KCNIP4: variants seen among roughly 807,000 people sequenced by gnomAD.
KCNIP4 encodes the protein Kv channel-interacting protein 4.
In KCNIP4, 12 loss-of-function variants were observed where a neutral mutation model predicts 34.0. That is an observed-to-expected ratio of 0.35 (90% confidence interval 0.23 to 0.57). The LOEUF (loss-of-function observed/expected upper bound fraction) is 0.57, where lower values mean the gene tolerates loss of function less well. KCNIP4 is among the 20% of genes least tolerant of loss of function. The pLI, the probability that KCNIP4 is intolerant of heterozygous loss-of-function variation, is 0.83. For synonymous variants in KCNIP4, 124 were observed against 102.2 expected, an observed-to-expected ratio of 1.21 and a Z score of -1.29; for missense variants, 238 against 311.7, an observed-to-expected ratio of 0.76 and a Z score of 1.78.
At chr4:20,961,413 T>A (rs1733836059) in intron 1 of KCNIP4, among the ~76,000 whole-genome samples, 1 of 152,204 alleles carries the variant, frequency 6.6e-6, no homozygotes, top group Middle Eastern at 3.4e-3. Flanking sequence ...AATCTTATGG[T>A]TTTGAGAAAT....
chr4:21,651,862 T>C (rs1032325952), intron 1 of KCNIP4, among the ~76,000 whole-genome samples: 4 of 152,252 alleles, frequency 2.6e-5, no homozygotes, highest in Admixed American at 2.0e-4. Flanking sequence ...GCTACAGATA[T>C]ATACATCTAT....
At chr4:20,733,247 T>A (rs2149268663) in intron 6 of KCNIP4, among the ~76,000 whole-genome samples, 1 of 152,148 alleles carries the variant, frequency 6.6e-6, no homozygotes, top group Middle Eastern at 3.4e-3. Context: ...TTCATTAGGG[T>A]TTTTGTTGTA....
chr4:21,473,245 C>G (rs1156524648), intron 1 of KCNIP4, among the ~76,000 whole-genome samples: 1 of 152,166 alleles, frequency 6.6e-6, no homozygotes, highest in Non-Finnish European at 1.5e-5. Flanking sequence ...CATAACCCAA[C>G]TTTTCTGAAA....
intron 1 of KCNIP4, chr4:21,697,335 A>G: frequency 1.4e-6 from 2 of 1,475,904 alleles, no homozygotes; most frequent in Non-Finnish European, 1.8e-6. Context: ...AAAAAAAAAA[A>G]AAAAAAGTCA....
At chr4:20,766,296 C>T (rs930298953) in intron 3 of KCNIP4, among the ~76,000 whole-genome samples, 20 of 152,064 alleles carry the variant, frequency 1.3e-4, no homozygotes, top group African/African-American at 3.4e-4. Flanking sequence ...AGGCCAGGCA[C>T]GGTGGGTCAT....
intron 1 of KCNIP4, among the ~76,000 whole-genome samples, chr4:21,384,918 T>C (rs755645405): frequency 3.9e-5 from 6 of 152,208 alleles, no homozygotes; most frequent in Non-Finnish European, 7.3e-5. Flanking sequence ...TACAACATAA[T>C]TTACACTGAT....
chr4:21,579,259 C>T (rs1163399453), intron 1 of KCNIP4, among the ~76,000 whole-genome samples: 1 of 152,054 alleles, frequency 6.6e-6, no homozygotes, highest in African/African-American at 2.4e-5. Context: ...CACTTAAAGC[C>T]ACAGTACTGT....
intron 1 of KCNIP4, among the ~76,000 whole-genome samples, chr4:20,942,246 G>C (rs538230109): frequency 1.2e-4 from 19 of 152,284 alleles, no homozygotes; most frequent in African/African-American, 4.6e-4. Flanking sequence ...ATTACATGGT[G>C]AGCACTGGAT....
chr4:21,681,011 G>A (rs1029021907), intron 1 of KCNIP4, among the ~76,000 whole-genome samples: 6 of 152,098 alleles, frequency 3.9e-5, no homozygotes, highest in African/African-American at 1.4e-4. Context: ...TTGGAGCCAG[G>A]CATTGAATTC....
At chr4:21,528,679 GAAA>G (rs1736207772) in intron 1 of KCNIP4, among the ~76,000 whole-genome samples, 1 of 2,770 alleles carries the variant, frequency 3.6e-4, no homozygotes, top group African/African-American at 1.4e-3. Flanking sequence ...AAAAAACAAA[GAAA>G]GAAAGAAAGA....
At chr4:21,166,346 T>C (rs1753624813) in intron 1 of KCNIP4, among the ~76,000 whole-genome samples, 1 of 152,046 alleles carries the variant, frequency 6.6e-6, no homozygotes, top group South Asian at 2.1e-4. Flanking sequence ...AAAATGCAAA[T>C]TCAACCATAA....
At chr4:21,576,187 AT>A (rs1476240280) in intron 1 of KCNIP4, among the ~76,000 whole-genome samples, 2 of 152,142 alleles carry the variant, frequency 1.3e-5, no homozygotes, top group Non-Finnish European at 2.9e-5. Flanking sequence ...AGAAGCCTAA[AT>A]TTTTTAGTGG....
At chr4:21,314,312 C>A (rs1289301591) in intron 1 of KCNIP4, among the ~76,000 whole-genome samples, 3 of 152,182 alleles carry the variant, frequency 2.0e-5, no homozygotes, top group Admixed American at 6.5e-5. Context: ...TGATTAGGAA[C>A]CTTAGTTACA....
At chr4:21,946,808 T>C (rs2109025878) in intron 1 of KCNIP4, among the ~76,000 whole-genome samples, 1 of 152,286 alleles carries the variant, frequency 6.6e-6, no homozygotes, top group South Asian at 2.1e-4. Context: ...ATATTTCTGT[T>C]CTCTAAATAA....
chr4:20,845,435 T>A (rs965976014), intron 3 of KCNIP4, among the ~76,000 whole-genome samples: 2 of 152,084 alleles, frequency 1.3e-5, no homozygotes, highest in African/African-American at 2.4e-5. Flanking sequence ...CCACAATAAA[T>A]GGCCCCTAAC....
intron 1 of KCNIP4, among the ~76,000 whole-genome samples, chr4:21,221,277 G>T (rs1271759757): frequency 1.3e-5 from 2 of 152,168 alleles, no homozygotes; most frequent in African/African-American, 4.8e-5. Context: ...ATAGTAAGTA[G>T]TTGTAGCAGG....
intron 1 of KCNIP4, among the ~76,000 whole-genome samples, chr4:21,733,440 C>T (rs1026011399): frequency 6.6e-6 from 1 of 152,154 alleles, no homozygotes. Flanking sequence ...CAGATACACA[C>T]ACACATATAC....
At chr4:21,603,001 G>T (rs1191449954) in intron 1 of KCNIP4, among the ~76,000 whole-genome samples, 1 of 152,004 alleles carries the variant, frequency 6.6e-6, no homozygotes, top group African/African-American at 2.4e-5. Context: ...TATCTATTCA[G>T]CTTTGATTAT....
chr4:21,137,210 C>T (rs1470783206), intron 1 of KCNIP4, among the ~76,000 whole-genome samples: 2 of 152,200 alleles, frequency 1.3e-5, no homozygotes, highest in Non-Finnish European at 1.5e-5. Context: ...TACCCGACGA[C>T]ACCACCAGTG....
Sources: allele counts gnomAD v4.1 joint callset (sites outside exome capture counted in the v4.1 genomes callset), GRCh38; gene constraint gnomAD v4.1.1; transcripts MANE v1.5; gene names NCBI Gene and HGNC (gene_info 2026-07-23, HGNC 2026-07-21).